KCNMB2: variants seen among roughly 807,000 people sequenced by gnomAD.
The protein encoded by KCNMB2 is calcium-activated potassium channel subunit beta-2.
KCNMB2 carries 9 observed loss-of-function variants against 24.5 expected under a neutral mutation model. The ratio of observed to expected loss-of-function variants is 0.37; its 90% CI spans 0.22 to 0.64. The LOEUF (loss-of-function observed/expected upper bound fraction) is 0.64. KCNMB2 is among the 30% of genes least tolerant of loss of function. The probability of loss-of-function intolerance (pLI) is 0.63; values close to 1 mark genes in which losing one functional copy is unlikely to be tolerated. For missense variants in KCNMB2, 226 were observed against 284.3 expected, an observed-to-expected ratio of 0.79 and a Z score of 1.47; for synonymous variants, 109 against 104.4, an observed-to-expected ratio of 1.04 and a Z score of -0.27.
At position 178,551,186 on chromosome 3, in the gene KCNMB2, A is replaced by G. The variant is rs1369541191; in HGVS notation, c.-68+14475A>G. 2.0e-5 allele frequency among the ~76,000 whole-genome samples: 3 copies of G among 152,194 alleles called. 1 individual carries two copies. Among genetic ancestry groups the G allele is most frequent in the Admixed American group, 1.3e-4 (2 of 15,276 alleles). ...CGGTGAGGATGAAGGAACAGTACAG[A>G]TGCTTTTTCTTCCCAGAGGCTGGCT... On this transcript the variant is annotated intron_variant, in intron 1 of 4. Coordinates refer to ENST00000452583, the MANE Select transcript of KCNMB2 (RefSeq NM_181361.3).
chr3:178,537,826 G>T (rs1715460282), intron 1 of KCNMB2, among the ~76,000 whole-genome samples: 2 of 152,292 alleles, frequency 1.3e-5, no homozygotes, highest in African/African-American at 2.4e-5. Context: ...GAGCTGTAAA[G>T]ATGTTGCTTT....
chr3:178,778,466 A>ACGCACGTGCGCGCGCGCGCGCGCG lies in KCNMB2; in HGVS notation c.-67-28876_-67-28875insGCACGTGCGCGCGCGCGCGCGCGC, dbSNP rs1335954249. On this transcript the variant is annotated intron_variant, in intron 1 of 4. Transcript: ENST00000452583. ...TTTCTACCCTTTAAGACACACACAC[A>ACGCACGTGCGCGCGCGCGCGCGCG]CACACACACACACACACACACACAC... 4.9e-4 allele frequency among the ~76,000 whole-genome samples: 43 copies of ACGCACGTGCGCGCGCGCGCGCGCG among 88,518 alleles called. 1 individual carries two copies. The highest frequency in any genetic ancestry group is 1.4e-3 in the South Asian group (4 of 2,840). The allele number at this position is 88,518 out of a possible 152,430, so 58.1% of individuals were successfully genotyped here.
chr3:178,702,921 C>T (rs1722152387), intron 1 of KCNMB2, among the ~76,000 whole-genome samples: 1 of 152,154 alleles, frequency 6.6e-6, no homozygotes, highest in Non-Finnish European at 1.5e-5. Context: ...GCAACTTTAT[C>T]ATCATGTATA....
intron 1 of KCNMB2, among the ~76,000 whole-genome samples, chr3:178,736,597 T>C (rs1038895844): frequency 2.0e-5 from 3 of 152,142 alleles, no homozygotes; most frequent in African/African-American, 7.2e-5. Context: ...TTGGATGACA[T>C]TCAGAATGGG....
rs896426323 is a variant in KCNMB2 at position 178,662,663 on chromosome 3, G to C, written c.-68+125952G>C. ...TTGTGGATAATAATATCTCACAGAG[G>C]AAGTGTGAGTATGAAATAACAAATA... On this transcript the variant is annotated intron_variant, in intron 1 of 4. Coordinates refer to ENST00000452583, the MANE Select transcript of KCNMB2 (RefSeq NM_181361.3). 2.0e-5 allele frequency among the ~76,000 whole-genome samples: 3 copies of C among 152,046 alleles called. No individual in the cohort carries two copies. In the South Asian group the frequency reaches 6.2e-4, roughly 32 times the overall value.
intron 2 of KCNMB2, among the ~76,000 whole-genome samples, chr3:178,819,044 C>T (rs916263366): frequency 1.3e-5 from 2 of 152,342 alleles, no homozygotes; most frequent in East Asian, 3.9e-4. Flanking sequence ...TCCTAAACCA[C>T]CTTTGAGCTT....
At chr3:178,771,473 CTTTTTTTTTTTTTTT>C (rs66694279) in intron 1 of KCNMB2, among the ~76,000 whole-genome samples, 3 of 87,516 alleles carry the variant, frequency 3.4e-5, no homozygotes, top group Non-Finnish European at 6.4e-5. Context: ...TTCTTTCTTT[CTTTTTTTTTTTTTTT>C]TTTTTTTTTT....
intron 1 of KCNMB2, among the ~76,000 whole-genome samples, chr3:178,718,968 A>G (rs1722709638): frequency 6.6e-6 from 1 of 152,174 alleles, no homozygotes; most frequent in African/African-American, 2.4e-5. Flanking sequence ...ATGGGGTTTA[A>G]CACAAGCTAT....
intron 1 of KCNMB2, among the ~76,000 whole-genome samples, chr3:178,704,200 T>G (rs1577111562): frequency 6.6e-6 from 1 of 152,222 alleles, no homozygotes; most frequent in East Asian, 1.9e-4. Flanking sequence ...TGATTTGCTA[T>G]GTAAATCACA....
At chr3:178,720,186 T>C (rs908546499) in intron 1 of KCNMB2, among the ~76,000 whole-genome samples, 35 of 152,088 alleles carry the variant, frequency 2.3e-4, no homozygotes, top group Non-Finnish European at 4.3e-4. Context: ...TGTGTCCATG[T>C]GTTCTCATTG....
At chr3:178,762,958 G>A (rs1204671643) in intron 1 of KCNMB2, among the ~76,000 whole-genome samples, 1 of 152,000 alleles carries the variant, frequency 6.6e-6, no homozygotes, top group Non-Finnish European at 1.5e-5. Context: ...TCAGGCAGAA[G>A]TATATGTGAG....
chr3:178,717,364 G>A (rs61796872), intron 1 of KCNMB2, among the ~76,000 whole-genome samples: 7,584 of 151,920 alleles, frequency 0.05, 222 homozygotes, highest in Non-Finnish European at 0.07. Flanking sequence ...CATACTTTGC[G>A]TCCTTTGATT....
chr3:178,761,208 T>A (rs1031211295), intron 1 of KCNMB2, among the ~76,000 whole-genome samples: 2 of 152,180 alleles, frequency 1.3e-5, no homozygotes, highest in African/African-American at 4.8e-5. Flanking sequence ...TGAATCATAG[T>A]GAGTGACATG....
At chr3:178,810,179 T>C (rs781303644) in intron 2 of KCNMB2, among the ~76,000 whole-genome samples, 5 of 152,214 alleles carry the variant, frequency 3.3e-5, no homozygotes, top group Non-Finnish European at 7.3e-5. Context: ...GGCTGATAAT[T>C]AATCTACATA....
chr3:178,620,745 A>G (rs1240311463), intron 1 of KCNMB2, among the ~76,000 whole-genome samples: 1 of 152,236 alleles, frequency 6.6e-6, no homozygotes, highest in Non-Finnish European at 1.5e-5. Flanking sequence ...AAAAGGTGTA[A>G]GATTTTAAGG....
intron 1 of KCNMB2, among the ~76,000 whole-genome samples, chr3:178,778,483 C>CACAG (rs1204313342): frequency 9.0e-6 from 1 of 110,582 alleles, no homozygotes; most frequent in Non-Finnish European, 2.0e-5. Flanking sequence ...CACACACACA[C>CACAG]ACACACACAC....
At chr3:178,712,787 A>G (rs1722496662) in intron 1 of KCNMB2, among the ~76,000 whole-genome samples, 2 of 152,220 alleles carry the variant, frequency 1.3e-5, no homozygotes, top group Non-Finnish European at 2.9e-5. Context: ...CTGCCTTTCT[A>G]TATAATCTGG....
chr3:178,799,441 TA>T (rs965732457), intron 1 of KCNMB2, among the ~76,000 whole-genome samples: 2 of 150,150 alleles, frequency 1.3e-5, no homozygotes, highest in African/African-American at 4.9e-5. Flanking sequence ...TAACTACAAA[TA>T]AAAAAAAATC....
chr3:178,632,705 A>G (rs1055930053), intron 1 of KCNMB2, among the ~76,000 whole-genome samples: 1 of 151,780 alleles, frequency 6.6e-6, no homozygotes, highest in African/African-American at 2.4e-5. Flanking sequence ...GCCCCTCCCA[A>G]ATCTCATGTC....
Sources: allele counts gnomAD v4.1 joint callset (sites outside exome capture counted in the v4.1 genomes callset), GRCh38; gene constraint gnomAD v4.1.1; transcripts MANE v1.5; gene names NCBI Gene and HGNC (gene_info 2026-07-23, HGNC 2026-07-21).